TUBGCP5: variants seen among roughly 807,000 people sequenced by gnomAD.
TUBGCP5 encodes the protein tubulin gamma complex component 5, also known as gamma-tubulin complex component 5.
TUBGCP5 carries 98 observed loss-of-function variants against 134.7 expected under a neutral mutation model. The ratio of observed to expected loss-of-function variants is 0.73; its 90% CI spans 0.62 to 0.86. The LOEUF (loss-of-function observed/expected upper bound fraction) is 0.86, where lower values mean the gene tolerates loss of function less well. TUBGCP5 is among the 40% of genes least tolerant of loss of function. The probability of loss-of-function intolerance (pLI) is 0.00; values close to 1 mark genes in which losing one functional copy is unlikely to be tolerated. For missense variants in TUBGCP5, 1,150 were observed against 1,244.8 expected (o/e 0.92, Z 1.15); for synonymous variants, 456 against 431.4 (o/e 1.06, Z -0.71).
rs1385226313 is a variant in TUBGCP5 at position 23,013,403 on chromosome 15, G to A, written c.1757-2072C>T. 6.6e-6 allele frequency among the ~76,000 whole-genome samples: 1 copy of A among 151,956 alleles called. No individual in the cohort carries two copies. Among genetic ancestry groups the A allele is most frequent in the Non-Finnish European group, 1.5e-5 (1 of 67,968 alleles). Reference sequence around the variant, plus strand: ...GAAGTTCGCAGTGAGCCGAGATCGCGCCGCTGCACTCCAGCCTGGGCGACA... The same window carrying A: ...GAAGTTCGCAGTGAGCCGAGATCGCACCGCTGCACTCCAGCCTGGGCGACA... On this transcript the variant is annotated intron_variant, in intron 13 of 22. Transcript: ENST00000615383. This position sits in a 1 kb window ranked among gnomAD's most constrained non-coding sequence, Gnocchi z 4.5.
intron 23 of TUBGCP5, among the ~76,000 whole-genome samples, chr15:22,993,529 T>TTTTC (rs1314584741): frequency 0.021 from 1,721 of 83,146 alleles, 73 homozygotes; most frequent in African/African-American, 0.073. Flanking sequence ...CCCGAAGTTT[T>TTTTC]TTTTTTTTTT....
chr15:22,997,383 T>C (rs889108082), downstream of TUBGCP5, among the ~76,000 whole-genome samples: 1 of 151,594 alleles, frequency 6.6e-6, no homozygotes, highest in East Asian at 2.0e-4. Flanking sequence ...TTTCCCCATA[T>C]TGGTCAGGCT....
At chr15:23,018,707 TTA>T (rs2065483626) in intron 12 of TUBGCP5, among the ~76,000 whole-genome samples, 1 of 152,190 alleles carries the variant, frequency 6.6e-6, no homozygotes, top group Non-Finnish European at 1.5e-5. Context: ...TCTACATTGT[TTA>T]TATGATTCTA....
intron 16 of TUBGCP5, 130 bp from the exon 17 acceptor site, chr15:23,006,482 A>T: frequency 1.5e-6 from 1 of 681,596 alleles, no homozygotes; most frequent in Non-Finnish European, 2.5e-6. Flanking sequence ...AGAAATGCAA[A>T]CATTCCAACA....
intron 23 of TUBGCP5, among the ~76,000 whole-genome samples, chr15:22,987,419 G>C (rs1260316934): frequency 2.0e-5 from 3 of 151,754 alleles, no homozygotes. Context: ...CAAATTTTTG[G>C]CTCTGGTAAA....
intron 6 of TUBGCP5, among the ~76,000 whole-genome samples, chr15:23,028,780 T>G (rs1397506860): frequency 1.3e-5 from 2 of 152,082 alleles, no homozygotes; most frequent in African/African-American, 4.8e-5. Flanking sequence ...TGCTACGGAC[T>G]AGAGGGTTGG....
chr15:23,003,095 T>C lies in TUBGCP5; in HGVS notation c.2897A>G (p.Asp966Gly). The C allele has an allele frequency of 6.2e-7, 1 of 1,614,152 alleles. No individual in the cohort carries two copies. Among genetic ancestry groups the C allele is most frequent in the Non-Finnish European group, 8.5e-7 (1 of 1,180,014 alleles). Reference sequence around the variant, plus strand: ...AGTGCCCAGGCCTGCCTGCCAACCGTCTGCAAACATGAGAGCCAAGTTCAA... The same window carrying C: ...AGTGCCCAGGCCTGCCTGCCAACCGCCTGCAAACATGAGAGCCAAGTTCAA... The part of the protein sequence containing the change: ...KVLNLALMFA[D>G]GWQAGLGTWR... Residue 966 changes from aspartate to glycine, a missense_variant, in exon 21 of 23, where the codon GAC becomes GGC. Asp to Gly is a moderately conservative substitution (Grantham distance 94). Around this residue, in one of 2 missense-constraint regions of TUBGCP5, gnomAD observed 697 missense variants for 850.1 expected, o/e 0.82. Coordinates refer to ENST00000615383, the MANE Select transcript of TUBGCP5 (RefSeq NM_052903.6).
intron 23 of TUBGCP5, among the ~76,000 whole-genome samples, chr15:22,988,713 A>G (rs9920683): frequency 0.97 from 144,932 of 149,550 alleles, 70,383 homozygotes; most frequent in East Asian, 1. Flanking sequence ...TCCAGCCTGG[A>G]CGACAGAGCG....
chr15:23,038,067 A>G (rs2066700522), intron 1 of TUBGCP5, among the ~76,000 whole-genome samples: 1 of 152,202 alleles, frequency 6.6e-6, no homozygotes, highest in Non-Finnish European at 1.5e-5. Context: ...CCCAGTCCAC[A>G]ATTTTCAAGA....
chr15:23,001,910 C>T (rs1243439793), intron 21 of TUBGCP5, among the ~76,000 whole-genome samples: 2 of 152,152 alleles, frequency 1.3e-5, no homozygotes, highest in Admixed American at 6.5e-5. Context: ...AAAATATCAT[C>T]TAATAGCATT....
intron 13 of TUBGCP5, among the ~76,000 whole-genome samples, chr15:23,014,945 T>A (rs969873276): frequency 4.6e-5 from 7 of 152,092 alleles, no homozygotes; most frequent in African/African-American, 1.7e-4. Context: ...AGCAACCACA[T>A]GCTCATGTTC....
intron 21 of TUBGCP5, among the ~76,000 whole-genome samples, chr15:23,001,846 ATACTT>A (rs1268220683): frequency 1.3e-5 from 2 of 152,134 alleles, no homozygotes; most frequent in African/African-American, 4.8e-5. Context: ...GTATAAATGT[ATACTT>A]TAAAGATAAA....
chr15:23,020,458 C>T (rs2065608004), intron 11 of TUBGCP5, among the ~76,000 whole-genome samples: 1 of 151,124 alleles, frequency 6.6e-6, no homozygotes, highest in African/African-American at 2.4e-5. Flanking sequence ...TGGTGATGTG[C>T]GCCTGTAGTC....
intron 23 of TUBGCP5, among the ~76,000 whole-genome samples, chr15:22,989,762 C>A (rs927982034): frequency 6.6e-6 from 1 of 152,186 alleles, no homozygotes; most frequent in Non-Finnish European, 1.5e-5. Context: ...ACAACCTGAT[C>A]TCTTATTTCT....
intron 8 of TUBGCP5, among the ~76,000 whole-genome samples, chr15:23,025,601 G>A (rs912463555): frequency 6.6e-6 from 1 of 152,156 alleles, no homozygotes; most frequent in African/African-American, 2.4e-5. Flanking sequence ...GGGAGGCCAA[G>A]GTGGGTGGAT....
intron 20 of TUBGCP5, among the ~76,000 whole-genome samples, chr15:23,003,626 CCTT>C (rs925645261): frequency 7.0e-6 from 1 of 143,506 alleles, no homozygotes; most frequent in African/African-American, 2.7e-5. Context: ...GGGCACTCCT[CCTT>C]CTGTTTTTTT....
intron 23 of TUBGCP5, among the ~76,000 whole-genome samples, chr15:22,993,888 C>T (rs2063948484): frequency 6.6e-6 from 1 of 151,536 alleles, no homozygotes; most frequent in South Asian, 2.1e-4. Context: ...ACCACGTTGG[C>T]CAGGCTAGTC....
At chr15:23,015,489 A>G (rs1296167797) in intron 13 of TUBGCP5, among the ~76,000 whole-genome samples, 2 of 151,900 alleles carry the variant, frequency 1.3e-5, no homozygotes, top group East Asian at 4.0e-4. Context: ...TAAAAATACA[A>G]AAATTAGCCA....
Position 23,013,966 on chromosome 15 carries a change from G to A in TUBGCP5, c.1757-2635C>T, listed in dbSNP as rs1388093585. Among the ~76,000 whole-genome samples, 2 of 152,122 alleles carry A rather than the reference G, an allele frequency of 1.3e-5. No homozygotes were observed. Among genetic ancestry groups the A allele is most frequent in the Non-Finnish European group, 2.9e-5 (2 of 68,006 alleles). On this transcript the variant is annotated intron_variant, in intron 13 of 22. Coordinates refer to ENST00000615383, the MANE Select transcript of TUBGCP5 (RefSeq NM_052903.6). This position sits in a 1 kb window ranked among gnomAD's most constrained non-coding sequence, Gnocchi z 4.5. ...CACAACCCCAGCTATGTGGAGCCTG[G>A]GCCCAGGATCGACTGGTGATTCTGG...
Sources: allele counts gnomAD v4.1 joint callset (sites outside exome capture counted in the v4.1 genomes callset), GRCh38; gene constraint gnomAD v4.1.1; regional missense constraint gnomAD v4.1.1; non-coding constraint Gnocchi (gnomAD v3.1); transcripts MANE v1.5; gene names NCBI Gene and HGNC (gene_info 2026-07-23, HGNC 2026-07-21).